MYO7B: variants seen among roughly 807,000 people sequenced by gnomAD.
MYO7B encodes the protein unconventional myosin-VIIb.
A neutral mutation model predicts 259.7 loss-of-function variants in MYO7B; 212 were observed. That is an observed-to-expected ratio of 0.82 (90% confidence interval 0.73 to 0.91). The LOEUF is 0.91. MYO7B is among the 40% of genes least tolerant of loss of function. The probability of loss-of-function intolerance (pLI) is 0.00; values close to 1 mark genes in which losing one functional copy is unlikely to be tolerated. For missense variants in MYO7B, 2,732 were observed against 2,813.5 expected (o/e 0.97, Z 0.66); for synonymous variants, 1,197 against 1,166.4 (o/e 1.03, Z -0.54).
At chr2:127,625,265 C>G (rs541131305) in intron 30 of MYO7B, 103 bp from the exon 31 acceptor site, 2 of 1,341,382 alleles carry the variant, frequency 1.5e-6, no homozygotes, top group Non-Finnish European at 9.8e-7. Context: ...GGTTAGCTCC[C>G]CTGTGATGGG....
chr2:127,569,883 G>A lies in MYO7B; in HGVS notation c.565G>A (p.Val189Ile), dbSNP rs1678516724. The part of the protein sequence containing the change: ...SGQHSWIEQQ[V>I]LEANPILEAF... ...CCAGCATTCGTGGATTGAGCAGCAG[G>A]TCCTGGAAGCCAACCCCATCCTGGA... The change falls in exon 6 of 48, where the codon GTC becomes ATC. Residue 189 changes from valine to isoleucine, a missense_variant. Coordinates refer to ENST00000409816, the MANE Select transcript of MYO7B (RefSeq NM_001393586.1). 3 of 1,612,984 alleles carry A rather than the reference G, an allele frequency of 1.9e-6. No homozygotes were observed. Among genetic ancestry groups the A allele is most frequent in the Non-Finnish European group, 2.5e-6 (3 of 1,179,470 alleles).
At chr2:127,616,227 A>T (rs1347773009) in intron 26 of MYO7B, among the ~76,000 whole-genome samples, 1 of 151,802 alleles carries the variant, frequency 6.6e-6, no homozygotes, top group Non-Finnish European at 1.5e-5. Flanking sequence ...CAATAACAAT[A>T]AAAAAAAATC....
intron 28 of MYO7B, 141 bp downstream of exon 28, chr2:127,622,242 T>C: frequency 1.6e-6 from 2 of 1,218,450 alleles, no homozygotes; most frequent in South Asian, 1.6e-5. Flanking sequence ...GTACCTCCCA[T>C]GCCAGTGGTC....
chr2:127,541,152 G>A (rs886796597), intron 1 of MYO7B, among the ~76,000 whole-genome samples: 2 of 151,994 alleles, frequency 1.3e-5, no homozygotes, highest in South Asian at 2.1e-4. Context: ...AGTGAAGGGA[G>A]CTTCTCTGAG....
At chr2:127,565,089 G>A in intron 3 of MYO7B, 144 bp from the exon 4 acceptor site, 1 of 1,013,620 alleles carries the variant, frequency 9.9e-7, no homozygotes, top group Non-Finnish European at 1.4e-6. Flanking sequence ...ACTGACCCTG[G>A]CCGGAGGCTG....
At chr2:127,593,071 C>T in intron 17 of MYO7B, 125 bp downstream of exon 17, 1 of 1,228,530 alleles carries the variant, frequency 8.1e-7, no homozygotes, top group Admixed American at 2.2e-5. Flanking sequence ...TTGCGATGAG[C>T]CCTGTCCTTC....
At chr2:127,605,122 C>G (rs1376193004) in intron 19 of MYO7B, among the ~76,000 whole-genome samples, 1 of 152,222 alleles carries the variant, frequency 6.6e-6, no homozygotes, top group Non-Finnish European at 1.5e-5. Context: ...ATGCACTGAG[C>G]TTGCCTGGGA....
chr2:127,635,275 C>A, intron 43 of MYO7B, 49 bp downstream of exon 43: 1 of 1,524,944 alleles, frequency 6.6e-7, no homozygotes, highest in Non-Finnish European at 9.0e-7. Context: ...CCCATCTTCC[C>A]ACACCTGTTC....
chr2:127,549,865 G>A (rs1693380993), intron 1 of MYO7B, among the ~76,000 whole-genome samples: 1 of 152,160 alleles, frequency 6.6e-6, no homozygotes, highest in African/African-American at 2.4e-5. Context: ...GCAGATCAGT[G>A]GGAATTAAGC....
rs748467913 is a variant in MYO7B at position 127,627,467 on chromosome 2, G to A, written c.4460+157G>A. ...ACGTATGCGATGGCTTCTGTACTTC[G>A]GAGCCCCACCCTCCTGCACCAGGCC... On this transcript the variant is annotated intron_variant, in intron 33 of 47. Coordinates refer to ENST00000409816, the MANE Select transcript of MYO7B (RefSeq NM_001393586.1). This position sits in a 1 kb window ranked among gnomAD's most constrained non-coding sequence, Gnocchi z 5.6. 2.8e-5 allele frequency: 29 copies of A among 1,025,592 alleles called. No individual in the cohort carries two copies. Among genetic ancestry groups the A allele is most frequent in the Non-Finnish European group, 3.8e-5 (26 of 685,658 alleles). 63.5% of individuals were successfully genotyped at this position (1,025,592 alleles called of 1,614,324 possible). A position where few individuals can be genotyped will look rare whatever the true frequency, so the allele number is the denominator to read the frequency against.
At chr2:127,571,197 A>C (rs1053589927) in intron 6 of MYO7B, among the ~76,000 whole-genome samples, 1 of 152,068 alleles carries the variant, frequency 6.6e-6, no homozygotes, top group Non-Finnish European at 1.5e-5. Flanking sequence ...TTGCTTTCCC[A>C]CCAGCAGAGC....
intron 40 of MYO7B, 77 bp from the exon 41 acceptor site, chr2:127,634,099 C>T (rs1681664079): frequency 2.5e-6 from 3 of 1,198,362 alleles, no homozygotes; most frequent in South Asian, 1.4e-5. Context: ...GCAAAAGTGC[C>T]AGGCTAGGAA....
In MYO7B at chr2:127,586,814, G is replaced by T. The variant is rs11885592; in HGVS notation, c.1691-1578G>T. 0.018 allele frequency among the ~76,000 whole-genome samples: 2,737 copies of T among 152,186 alleles called. 87 individuals are homozygous for T. Among genetic ancestry groups the T allele is most frequent in the African/African-American group, 0.061 (2,550 of 41,506 alleles). ...GACCTCAGCTTTACTTACTCTGCCTGTTGGGAGACTGAACCCAGGAGTGTC... is the reference window on the plus strand; with the variant it reads ...GACCTCAGCTTTACTTACTCTGCCTTTTGGGAGACTGAACCCAGGAGTGTC... On this transcript the variant is annotated intron_variant, in intron 14 of 47. Transcript: ENST00000409816. The surrounding 1 kb of genome is among the most constrained non-coding windows in gnomAD (Gnocchi z 4.8).
intron 1 of MYO7B, among the ~76,000 whole-genome samples, chr2:127,547,193 C>A (rs906705914): frequency 6.6e-6 from 1 of 152,236 alleles, no homozygotes; most frequent in Admixed American, 6.5e-5. Flanking sequence ...GTCCACTCAT[C>A]CATCCATTTA....
intron 10 of MYO7B, 63 bp downstream of exon 10, chr2:127,580,885 A>G (rs1679073064): frequency 6.9e-7 from 1 of 1,444,132 alleles, no homozygotes; most frequent in South Asian, 1.2e-5. Flanking sequence ...GGGCTGACAG[A>G]CCCCTGACAC....
In MYO7B at chr2:127,559,931, A is replaced by C. The variant is rs1320335595; in HGVS notation, c.18+191A>C. Among the ~76,000 whole-genome samples the C allele has an allele frequency of 6.6e-6, 1 of 152,196 alleles. No individual in the cohort carries two copies. Among genetic ancestry groups the C allele is most frequent in the Non-Finnish European group, 1.5e-5 (1 of 68,030 alleles). On this transcript the variant is annotated intron_variant, in intron 2 of 47. Transcript: ENST00000409816. The surrounding 1 kb of genome is among the most constrained non-coding windows in gnomAD (Gnocchi z 4.1). The stretch of plus-strand genomic sequence containing the variant: ...GTTTGGCCAGCCACTGGCCTCGGCA[A>C]TACATGTATAGTTATGTATAGTTAT...
intron 18 of MYO7B, among the ~76,000 whole-genome samples, chr2:127,593,894 G>A (rs1457950300): frequency 2.0e-5 from 3 of 152,180 alleles, no homozygotes; most frequent in South Asian, 4.1e-4. Context: ...TTCTCAGAGG[G>A]GTACCTAGGG....
At chr2:127,629,172 G>A (rs1681326188) in intron 34 of MYO7B, among the ~76,000 whole-genome samples, 1 of 152,224 alleles carries the variant, frequency 6.6e-6, no homozygotes, top group African/African-American at 2.4e-5. Context: ...GCTGTGTGTG[G>A]GGTCTTTGGG....
In MYO7B at chr2:127,612,310, T is replaced by A; in HGVS notation, c.3253T>A (p.Ser1085Thr). Residue 1085 changes from serine to threonine, a missense_variant, in exon 25 of 48, where the codon TCC becomes ACC. Around this residue, in one of 3 missense-constraint regions of MYO7B, gnomAD observed 1,906 missense variants for 2,026.4 expected, o/e 0.94. Coordinates refer to ENST00000409816, the MANE Select transcript of MYO7B (RefSeq NM_001393586.1). ...CTCCTCCATGAAGCTGAAGCGGTCC[T>A]CCCGGATCACAGGCCAGGTGAGCCC... ...DISSMKLKRS[S>T]RITGQVASQL... is the part of the protein sequence containing the mutation. 1.1e-6 allele frequency: 1 copy of A among 939,642 alleles called. No homozygotes were observed. The allele number at this position is 939,642 out of a possible 1,614,324, so 58.2% of individuals were successfully genotyped here.
Sources: gnomAD v4.1 joint callset for allele counts (sites outside exome capture counted in the v4.1 genomes callset) on GRCh38, gnomAD v4.1.1 for gene constraint, gnomAD v4.1.1 regional missense constraint, Gnocchi (gnomAD v3.1) non-coding constraint, MANE v1.5 for transcripts, NCBI Gene and HGNC (gene_info 2026-07-23, HGNC 2026-07-21) for gene names.